TRIM9: variants seen among roughly 807,000 people sequenced by gnomAD.
TRIM9 encodes E3 ubiquitin-protein ligase TRIM9.
Under a neutral mutation model 78.3 loss-of-function variants are expected in TRIM9, and 26 were observed. The ratio of observed to expected loss-of-function variants is 0.33; its 90% CI spans 0.24 to 0.46. The LOEUF is 0.46. Among genes scored for constraint, TRIM9 ranks in the 20% least tolerant of loss-of-function variants. The pLI is 1.00. For synonymous variants in TRIM9, 398 were observed against 416.5 expected (o/e 0.96, Z 0.54); for missense variants, 787 against 1,036.4 (o/e 0.76, Z 3.30).
At chr14:50,985,391 GC>G (rs1200529011) in intron 8 of TRIM9, among the ~76,000 whole-genome samples, 3 of 152,212 alleles carry the variant, frequency 2.0e-5, no homozygotes, top group Admixed American at 2.0e-4. Flanking sequence ...GTGAGCACAG[GC>G]TTTTGCAGAA....
rs77557045 is a variant in TRIM9 at position 51,032,685 on chromosome 14, G to A, written c.823-7325C>T. Among the ~76,000 whole-genome samples the A allele has an allele frequency of 4.6e-3, 698 of 152,242 alleles. 7 individuals are homozygous for A. Among genetic ancestry groups the A allele is most frequent in the African/African-American group, 0.016 (665 of 41,544 alleles). On this transcript the variant is annotated intron_variant, in intron 1 of 12. Transcript: ENST00000684578. ...CTATCTCTCAGAGTCTGTGTCCAGG[G>A]AACCCAGTCTAAAATACTAAGCTTC...
intron 1 of TRIM9, among the ~76,000 whole-genome samples, chr14:51,083,406 C>T (rs4496046): frequency 0.35 from 53,381 of 151,666 alleles, 9,732 homozygotes; most frequent in Admixed American, 0.42. Context: ...AGGCATGCGC[C>T]ACCATGCCCA....
intron 1 of TRIM9, among the ~76,000 whole-genome samples, chr14:51,087,424 G>A (rs1312560143): frequency 6.6e-6 from 1 of 152,164 alleles, no homozygotes; most frequent in Non-Finnish European, 1.5e-5. Flanking sequence ...AAGAAAACCT[G>A]CTGTTAGATA....
At chr14:50,991,976 C>T (rs548663585) in intron 7 of TRIM9, among the ~76,000 whole-genome samples, 2 of 152,310 alleles carry the variant, frequency 1.3e-5, no homozygotes, top group South Asian at 4.1e-4. Flanking sequence ...CCACTGGCCC[C>T]AGGGCACATT....
intron 1 of TRIM9, among the ~76,000 whole-genome samples, chr14:51,074,728 G>A (rs4505215): frequency 0.23 from 34,444 of 152,100 alleles, 4,108 homozygotes; most frequent in African/African-American, 0.25. Flanking sequence ...AGGATAAGGG[G>A]GCAGAGCTCA....
chr14:51,084,979 A>G lies in TRIM9; in HGVS notation c.822+9139T>C, dbSNP rs181627354. Among the ~76,000 whole-genome samples, 451 of 152,346 alleles carry G rather than the reference A, an allele frequency of 3.0e-3. 4 individuals are homozygous for G. The highest frequency in any genetic ancestry group is 8.9e-3 in the African/African-American group (368 of 41,572). ...TGTTATAAAGACCTGCTCTAGACAG[A>G]AAGTGTTTAATTCCCTATATTGCCA... is the stretch of plus-strand genomic sequence containing the variant. On this transcript the variant is annotated intron_variant, in intron 1 of 12. Transcript: ENST00000684578.
intron 1 of TRIM9, chr14:51,089,418 G>C (rs1450620282): frequency 1.3e-5 from 2 of 152,172 alleles, no homozygotes; most frequent in East Asian, 3.8e-4. Context: ...AAGGACAAAT[G>C]TTCCCTGTAC....
At chr14:51,050,297 G>T (rs2060293602) in intron 1 of TRIM9, among the ~76,000 whole-genome samples, 1 of 152,038 alleles carries the variant, frequency 6.6e-6, no homozygotes, top group Non-Finnish European at 1.5e-5. Context: ...GAATCATGGG[G>T]GCAGTTTTCC....
chr14:51,048,983 CAA>C (rs570470795), intron 1 of TRIM9, among the ~76,000 whole-genome samples: 40 of 95,182 alleles, frequency 4.2e-4, no homozygotes, highest in Admixed American at 4.8e-4. Context: ...GACTCCATCT[CAA>C]AAAAAAAAAA....
chr14:51,066,087 A>AGGAAGGAAGGAAGGAGGGAG (rs1555346990), intron 1 of TRIM9, among the ~76,000 whole-genome samples: 4 of 72,372 alleles, frequency 5.5e-5, no homozygotes, highest in African/African-American at 2.2e-4. Context: ...GAAGGAAGGA[A>AGGAAGGAAGGAAGGAGGGAG]GGAGGGAGGG....
intron 3 of TRIM9, among the ~76,000 whole-genome samples, chr14:51,019,986 C>A (rs1362193216): frequency 6.6e-6 from 1 of 152,222 alleles, no homozygotes; most frequent in Non-Finnish European, 1.5e-5. Context: ...TACACACTCA[C>A]TTTCCAGCAT....
intron 1 of TRIM9, among the ~76,000 whole-genome samples, chr14:51,074,430 C>T (rs1039397589): frequency 3.9e-5 from 6 of 152,130 alleles, no homozygotes; most frequent in African/African-American, 1.4e-4. Flanking sequence ...GGCTCTTGTC[C>T]TGAGATAAGG....
intron 3 of TRIM9, among the ~76,000 whole-genome samples, chr14:51,016,485 G>A (rs1467888332): frequency 9.9e-6 from 1 of 101,034 alleles, no homozygotes; most frequent in African/African-American, 4.0e-5. Context: ...CCCCCCTGCA[G>A]CTCTCTCTCT....
At chr14:51,024,545 T>A (rs948942736) in intron 2 of TRIM9, among the ~76,000 whole-genome samples, 2 of 152,212 alleles carry the variant, frequency 1.3e-5, no homozygotes, top group African/African-American at 4.8e-5. Flanking sequence ...TGCTAAACAG[T>A]ACAGAAGGTC....
chr14:50,995,215 G>T (rs2054047789), intron 7 of TRIM9, among the ~76,000 whole-genome samples: 1 of 151,970 alleles, frequency 6.6e-6, no homozygotes, highest in Non-Finnish European at 1.5e-5. Context: ...AATTTTTATT[G>T]CTTTCCTAAT....
At chr14:50,991,295 T>A (rs1052833260) in intron 7 of TRIM9, among the ~76,000 whole-genome samples, 2 of 152,176 alleles carry the variant, frequency 1.3e-5, no homozygotes, top group African/African-American at 4.8e-5. Context: ...CTCAGTCCCA[T>A]GGAAAAATGC....
rs370079075 is a variant in TRIM9 at position 51,014,030 on chromosome 14, G to A, written c.1042-3536C>T. 2.6e-5 allele frequency among the ~76,000 whole-genome samples: 4 copies of A among 152,130 alleles called. No individual in the cohort carries two copies. The South Asian group carries it at 6.2e-4, about 24-fold the overall frequency. Reference sequence around the variant, plus strand: ...ACATCTGCCCTTGACTACAGGTACTGGAAGTCCGAATAATAAGGACAGATC... The same window carrying A: ...ACATCTGCCCTTGACTACAGGTACTAGAAGTCCGAATAATAAGGACAGATC... On this transcript the variant is annotated intron_variant, in intron 3 of 12. Transcript: ENST00000684578.
intron 1 of TRIM9, among the ~76,000 whole-genome samples, chr14:51,031,217 A>G (rs1320687404): frequency 6.6e-6 from 1 of 151,810 alleles, no homozygotes; most frequent in Non-Finnish European, 1.5e-5. Context: ...TGACCAAGTT[A>G]TAGCCAGGGT....
intron 5 of TRIM9, among the ~76,000 whole-genome samples, chr14:51,008,512 T>G (rs1175636252): frequency 6.6e-6 from 1 of 152,248 alleles, no homozygotes; most frequent in Non-Finnish European, 1.5e-5. Context: ...CCTTAAAATA[T>G]TTTCAGCCCC....
Sources: allele counts gnomAD v4.1 joint callset (sites outside exome capture counted in the v4.1 genomes callset), GRCh38; gene constraint gnomAD v4.1.1; transcripts MANE v1.5; gene names NCBI Gene and HGNC (gene_info 2026-07-23, HGNC 2026-07-21).